The following PIK3C2A variants were observed in gnomAD, a reference collection of about 807,000 sequenced individuals.
The protein encoded by PIK3C2A is phosphatidylinositol 4-phosphate 3-kinase C2 domain-containing subunit alpha.
PIK3C2A carries 97 observed loss-of-function variants against 204.5 expected under a neutral mutation model. That is an observed-to-expected ratio of 0.47 (90% confidence interval 0.40 to 0.56). PIK3C2A has a LOEUF of 0.56. PIK3C2A is among the 20% of genes least tolerant of loss of function. The probability of loss-of-function intolerance (pLI) is 0.00; values close to 1 mark genes in which losing one functional copy is unlikely to be tolerated. For synonymous variants in PIK3C2A, 653 were observed against 664.4 expected (o/e 0.98, Z 0.26); for missense variants, 1,735 against 1,969.2 (o/e 0.88, Z 2.25).
rs1312330046 is a variant in PIK3C2A, at chr11:17,110,546, G to A, written c.3430C>T (p.Arg1144Trp). Residue 1144 changes from arginine (R) to tryptophan (W), a missense_variant, in exon 22 of 33, where the codon CGG (arginine) becomes TGG (tryptophan). Physicochemically the swap from Arg to Trp is moderately radical, Grantham distance 101. Coordinates refer to ENST00000691414, the MANE Select transcript of PIK3C2A (RefSeq NM_002645.4). ...ATCTGTAAAGCTAACATATCTTGCC[G>A]AAGATCTTCACCAACCTTGAAATCA... The part of the protein sequence containing the change: ...NVMFKVGEDL[R>W]QDMLALQMIK... 3 of 1,608,558 alleles carry A rather than the reference G, an allele frequency of 1.9e-6. No individual in the cohort carries two copies. The highest frequency in any genetic ancestry group is 2.2e-5 in the East Asian group (1 of 44,722).
chr11:17,181,036 AG>A (rs1414823079), intron 1 of PIK3C2A, among the ~76,000 whole-genome samples: 2 of 152,310 alleles, frequency 1.3e-5, no homozygotes, highest in Non-Finnish European at 2.9e-5. Flanking sequence ...GATACAACTC[AG>A]GAACAGCCAA....
chr11:17,189,319 CTGTCTGGTATACA>C lies in PIK3C2A; in HGVS notation c.-66+18516_-66+18528del, dbSNP rs1347864339. On this transcript the variant is annotated intron_variant, in intron 1 of 32. Coordinates refer to ENST00000691414, the MANE Select transcript of PIK3C2A (RefSeq NM_002645.4). Reference sequence around the variant, plus strand: ...CAGGTTCTCCTTTGTTTTATAGAAGCTGTCTGGTATACATGCCAGGTACGGCAGCTCACGCCTG... The same window carrying C: ...CAGGTTCTCCTTTGTTTTATAGAAGCTGCCAGGTACGGCAGCTCACGCCTG... Among the ~76,000 whole-genome samples, 176 of 146,920 alleles carry C rather than the reference CTGTCTGGTATACA, an allele frequency of 1.2e-3. 33 individuals are homozygous for C. Among genetic ancestry groups the C allele is most frequent in the African/African-American group, 4.7e-3 (173 of 36,554 alleles).
intron 11 of PIK3C2A, among the ~76,000 whole-genome samples, chr11:17,134,367 A>ATT (rs398055029): frequency 6.4e-5 from 9 of 140,538 alleles, no homozygotes; most frequent in African/African-American, 2.1e-4. Context: ...ACCACTGGCT[A>ATT]TTTTTTTTTT....
rs1483741009 is a variant in PIK3C2A, at chr11:17,087,219, T to G, written c.*2519A>C. The G allele has an allele frequency of 1.3e-5, 2 of 152,222 alleles. No homozygotes were observed. The highest frequency in any genetic ancestry group is 4.8e-5 in the African/African-American group (2 of 41,472). 9.4% of individuals were successfully genotyped at this position (152,222 alleles called of 1,614,324 possible). On this transcript the variant is annotated 3_prime_UTR_variant, in exon 33 of 33. Coordinates refer to ENST00000691414, the MANE Select transcript of PIK3C2A (RefSeq NM_002645.4). Reference sequence around the variant, plus strand: ...ATAAAAATTAGTGTCTTGGCCAGTTTGTTAAACTTTTTTTAGATTTACTTT... The same window carrying G: ...ATAAAAATTAGTGTCTTGGCCAGTTGGTTAAACTTTTTTTAGATTTACTTT...
intron 21 of PIK3C2A, among the ~76,000 whole-genome samples, chr11:17,110,867 T>C (rs2137312382): frequency 6.6e-6 from 1 of 152,274 alleles, no homozygotes; most frequent in South Asian, 2.1e-4. Context: ...TTTAAAAGGT[T>C]CAGTTTTATG....
At chr11:17,204,821 C>T (rs1296089514) in intron 1 of PIK3C2A, among the ~76,000 whole-genome samples, 1 of 152,142 alleles carries the variant, frequency 6.6e-6, no homozygotes, top group African/African-American at 2.4e-5. Flanking sequence ...TGTGATGCAC[C>T]ACCAGAAACA....
At chr11:17,102,554 C>A (rs954484851) in intron 24 of PIK3C2A, 108 bp downstream of exon 24, 1 of 787,066 alleles carries the variant, frequency 1.3e-6, no homozygotes, top group Middle Eastern at 2.4e-4. Flanking sequence ...TTTTCATTCC[C>A]AGTTATGTTC....
rs1190658029 is a variant in PIK3C2A at position 17,122,760 on chromosome 11, T to C, written c.2453A>G (p.Asn818Ser). The C allele has an allele frequency of 8.9e-6, 14 of 1,575,174 alleles. No homozygotes were observed. Among genetic ancestry groups the C allele is most frequent in the Non-Finnish European group, 1.1e-5 (13 of 1,147,886 alleles). ...LLYLWTSSHT[N>S]SVPGTVTKKG... The stretch of plus-strand genomic sequence containing the variant: ...TTTGGTAACTGTTCCAGGAACAGAA[T>C]TTGTATGTGATGAAGTCCAAAGATA... The change falls in exon 14 of 33, where the codon AAT (asparagine) becomes AGT (serine). Residue 818 changes from asparagine (N) to serine (S), a missense_variant. Transcript: ENST00000691414.
intron 1 of PIK3C2A, among the ~76,000 whole-genome samples, chr11:17,190,912 G>A (rs1189915401): frequency 6.6e-6 from 1 of 152,050 alleles, no homozygotes; most frequent in Non-Finnish European, 1.5e-5. Flanking sequence ...GAATGAAACA[G>A]AAGAAATATT....
chr11:17,153,252 T>C (rs920490811), intron 3 of PIK3C2A, among the ~76,000 whole-genome samples: 4 of 152,054 alleles, frequency 2.6e-5, no homozygotes, highest in African/African-American at 9.7e-5. Context: ...GCCAATGTAG[T>C]GAAACCTCGT....
chr11:17,134,636 C>T (rs61762008), intron 11 of PIK3C2A, among the ~76,000 whole-genome samples, 183 bp downstream of exon 11: 4,995 of 152,278 alleles, frequency 0.033, 282 homozygotes, highest in African/African-American at 0.11. Context: ...GCTGGGATTA[C>T]AGGCATGAGC....
intron 6 of PIK3C2A, 70 bp downstream of exon 6, chr11:17,147,447 G>A: frequency 3.6e-6 from 3 of 844,108 alleles, no homozygotes; most frequent in Non-Finnish European, 6.0e-6. Context: ...TGTACAAGTT[G>A]AAAATTGGCA....
In PIK3C2A at chr11:17,135,027, A is replaced by G; in HGVS notation, c.1900T>C (p.Ser634Pro). The G allele has an allele frequency of 6.2e-7, 1 of 1,613,454 alleles. No homozygotes were observed. Among genetic ancestry groups the G allele is most frequent in the Non-Finnish European group, 8.5e-7 (1 of 1,179,544 alleles). ...EDTSRSSTRGSLNPENPVQVS... is the reference protein window; with the variant it reads ...EDTSRSSTRGPLNPENPVQVS... Reference sequence around the variant, plus strand: ...TGAACAGGATTTTCAGGATTAAGTGAGCCTAGATTAAAGAAAAAAAAAGTT... The same window carrying G: ...TGAACAGGATTTTCAGGATTAAGTGGGCCTAGATTAAAGAAAAAAAAAGTT... Residue 634 changes from serine to proline, a missense_variant and splice_region_variant, in exon 11 of 33, where the codon TCA (serine) becomes CCA (proline). Transcript: ENST00000691414.
At chr11:17,134,180 A>G (rs1849794537) in intron 11 of PIK3C2A, among the ~76,000 whole-genome samples, 1 of 152,198 alleles carries the variant, frequency 6.6e-6, no homozygotes, top group Non-Finnish European at 1.5e-5. Context: ...ACAAGATCAG[A>G]ATAGTTGCTA....
chr11:17,144,410 G>GACTA (rs1850164040), intron 8 of PIK3C2A, among the ~76,000 whole-genome samples: 1 of 152,102 alleles, frequency 6.6e-6, no homozygotes, highest in Admixed American at 6.5e-5. Flanking sequence ...GATAGGTGGG[G>GACTA]ACTAGGTCAT....
At position 17,135,035 on chromosome 11, in the gene PIK3C2A, T is replaced by C; in HGVS notation, c.1898-6A>G. Reference sequence around the variant, plus strand: ...ATTTTCAGGATTAAGTGAGCCTAGATTAAAGAAAAAAAAAGTTAATAGATT... The same window carrying C: ...ATTTTCAGGATTAAGTGAGCCTAGACTAAAGAAAAAAAAAGTTAATAGATT... On this transcript the variant is annotated splice_polypyrimidine_tract_variant and splice_region_variant and intron_variant, in intron 10 of 32. Transcript: ENST00000691414. 6.2e-7 allele frequency: 1 copy of C among 1,612,920 alleles called. No individual in the cohort carries two copies. The highest frequency in any genetic ancestry group is 8.5e-7 in the Non-Finnish European group (1 of 1,179,418).
intron 19 of PIK3C2A, 60 bp downstream of exon 19, chr11:17,117,431 C>CTATTT: frequency 8.6e-7 from 1 of 1,167,082 alleles, no homozygotes; most frequent in Non-Finnish European, 1.2e-6. Flanking sequence ...AATTAGTCAG[C>CTATTT]ACCATAAAGA....
chr11:17,148,323 G>A (rs1442203672), intron 5 of PIK3C2A: 1 of 172,712 alleles, frequency 5.8e-6, no homozygotes, highest in Non-Finnish European at 1.2e-5. Context: ...AAGTAACAGT[G>A]CATGTTGCAA....
chr11:17,195,381 C>G (rs879776582), intron 1 of PIK3C2A, among the ~76,000 whole-genome samples: 22 of 151,024 alleles, frequency 1.5e-4, no homozygotes, highest in African/African-American at 4.1e-4. Context: ...CCACTGCATT[C>G]CAACCTGGTG....
Sources: gnomAD v4.1 joint callset for allele counts (sites outside exome capture counted in the v4.1 genomes callset) on GRCh38, gnomAD v4.1.1 for gene constraint, MANE v1.5 for transcripts, NCBI Gene and HGNC (gene_info 2026-07-23, HGNC 2026-07-21) for gene names.